Variants in ERBIN observed in about 807,000 individuals in gnomAD.
ERBIN encodes densin-180-like protein.
Under a neutral mutation model 158.4 loss-of-function variants are expected in ERBIN, and 60 were observed. The observed-to-expected ratio is 0.38, with a 90% CI of 0.31 to 0.47. ERBIN has a LOEUF of 0.47. Among genes scored for constraint, ERBIN ranks in the 20% least tolerant of loss-of-function variants. The pLI, the probability that ERBIN is intolerant of heterozygous loss-of-function variation, is 0.99. For synonymous variants in ERBIN, 594 were observed against 557.2 expected (o/e 1.07, Z -0.93); for missense variants, 1,610 against 1,648.0 (o/e 0.98, Z 0.40).
chr5:65,956,453 T>C (rs1351783845), intron 1 of ERBIN, among the ~76,000 whole-genome samples: 1 of 148,130 alleles, frequency 6.8e-6, no homozygotes, highest in Non-Finnish European at 1.5e-5. Flanking sequence ...CTCGGCTCAC[T>C]GCAACCTTTG....
chr5:65,978,590 G>A (rs551451149), intron 1 of ERBIN, among the ~76,000 whole-genome samples: 45 of 152,346 alleles, frequency 3.0e-4, no homozygotes, highest in African/African-American at 9.1e-4. Context: ...TGCCCGCCTG[G>A]GGGCAGGTGC....
intron 21 of ERBIN, among the ~76,000 whole-genome samples, chr5:66,062,298 TC>T (rs1760484972): frequency 6.6e-6 from 1 of 152,218 alleles, no homozygotes; most frequent in Non-Finnish European, 1.5e-5. Context: ...CATTTCGTCT[TC>T]CATCGCTGAT....
At chr5:66,006,096 G>C (rs1191470681) in intron 4 of ERBIN, among the ~76,000 whole-genome samples, 2 of 152,250 alleles carry the variant, frequency 1.3e-5, no homozygotes, top group South Asian at 4.1e-4. Flanking sequence ...TCAATCCTAA[G>C]AGAAAAGAAC....
In ERBIN at chr5:66,078,846, CTG is replaced by C. The variant is rs1460277899; in HGVS notation, c.*321_*322del. The C allele has an allele frequency of 3.9e-6, 1 of 259,592 alleles. No homozygotes were observed. The highest frequency in any genetic ancestry group is 7.2e-6 in the Non-Finnish European group (1 of 137,990). 16.1% of individuals were successfully genotyped at this position (259,592 alleles called of 1,614,324 possible). On this transcript the variant is annotated 3_prime_UTR_variant, in exon 26 of 26. Coordinates refer to ENST00000284037, the MANE Select transcript of ERBIN (RefSeq NM_001253697.2). The stretch of plus-strand genomic sequence containing the variant: ...TTTGGATTTCATATACATGACTGAA[CTG>C]TGTGCAAGGCAATAGTTAGCCTTGA...
chr5:65,954,933 T>A (rs1046529119), intron 1 of ERBIN, among the ~76,000 whole-genome samples: 4 of 151,776 alleles, frequency 2.6e-5, no homozygotes, highest in African/African-American at 9.7e-5. Context: ...GGCATGGTGG[T>A]GGGCGCATGT....
intron 23 of ERBIN, 131 bp downstream of exon 23, chr5:66,075,361 T>TA (rs1761892862): frequency 5.1e-6 from 4 of 782,454 alleles, no homozygotes; most frequent in Admixed American, 2.8e-5. Flanking sequence ...ATTTTTATGT[T>TA]ACGTTTATAA....
At chr5:65,942,752 C>T (rs1745213437) in intron 1 of ERBIN, among the ~76,000 whole-genome samples, 1 of 152,084 alleles carries the variant, frequency 6.6e-6, no homozygotes, top group Non-Finnish European at 1.5e-5. Flanking sequence ...TGGTGAAACT[C>T]TGTGTCTACT....
Position 65,950,149 on chromosome 5 carries a change from G to A in ERBIN, c.-58+23343G>A, listed in dbSNP as rs1162443540. On this transcript the variant is annotated intron_variant, in intron 1 of 25. Transcript: ENST00000284037. ...GCCTCTTGAGTAGCTGGGACTACAGGCGTGTGCCACCATGCCCAGCTAATT... is the reference window on the plus strand; with the variant it reads ...GCCTCTTGAGTAGCTGGGACTACAGACGTGTGCCACCATGCCCAGCTAATT... 5.9e-5 allele frequency among the ~76,000 whole-genome samples: 9 copies of A among 152,252 alleles called. No individual in the cohort carries two copies. The South Asian group carries it at 1.9e-3, about 32-fold the overall frequency.
At chr5:65,946,332 C>G (rs1309208629) in intron 1 of ERBIN, among the ~76,000 whole-genome samples, 1 of 151,980 alleles carries the variant, frequency 6.6e-6, no homozygotes, top group Non-Finnish European at 1.5e-5. Flanking sequence ...CCACTGCACT[C>G]CAGCCTGGGT....
At chr5:66,014,814 G>C in intron 7 of ERBIN, 89 bp downstream of exon 7, 1 of 599,150 alleles carries the variant, frequency 1.7e-6, no homozygotes, top group South Asian at 2.6e-5. Context: ...TACCTAAAAT[G>C]TGGTGCAAAT....
At chr5:66,059,979 G>C (rs1259670538) in intron 21 of ERBIN, among the ~76,000 whole-genome samples, 1 of 152,172 alleles carries the variant, frequency 6.6e-6, no homozygotes, top group Non-Finnish European at 1.5e-5. Flanking sequence ...TGTTCATCAA[G>C]GATATTGGTC....
rs375750208 is a variant in ERBIN at position 65,942,586 on chromosome 5, T to G, written c.-58+15780T>G. Among the ~76,000 whole-genome samples, 5 of 152,362 alleles carry G rather than the reference T, an allele frequency of 3.3e-5. No homozygotes were observed. The South Asian group carries it at 6.2e-4, about 19-fold the overall frequency. On this transcript the variant is annotated intron_variant, in intron 1 of 25. Coordinates refer to ENST00000284037, the MANE Select transcript of ERBIN (RefSeq NM_001253697.2). ...AGCCAAGAAGTTTCAGAGAAAGATT[T>G]ATCCTTAAAGTAGTGTGTAATTCTT...
At chr5:66,071,199 C>T (rs576021115) in intron 21 of ERBIN, among the ~76,000 whole-genome samples, 2 of 152,004 alleles carry the variant, frequency 1.3e-5, no homozygotes, top group Admixed American at 1.3e-4. Flanking sequence ...TCCCCCTCCC[C>T]GCCTACAAAA....
chr5:66,039,078 A>G (rs1447226038), intron 15 of ERBIN, among the ~76,000 whole-genome samples: 1 of 151,438 alleles, frequency 6.6e-6, no homozygotes, highest in Non-Finnish European at 1.5e-5. Context: ...ACTATTTTTT[A>G]TGTATCTTCT....
At chr5:66,074,908 T>A in intron 22 of ERBIN, 116 bp from the exon 23 acceptor site, 1 of 830,096 alleles carries the variant, frequency 1.2e-6, no homozygotes, top group South Asian at 1.8e-5. Flanking sequence ...TGGTATTGTT[T>A]GACTTAATTA....
At chr5:66,015,797 A>G (rs1458941924) in intron 7 of ERBIN, among the ~76,000 whole-genome samples, 1 of 152,188 alleles carries the variant, frequency 6.6e-6, no homozygotes, top group Non-Finnish European at 1.5e-5. Flanking sequence ...TGATTGTACC[A>G]CTGCATTCCA....
At chr5:65,962,517 A>T (rs936124335) in intron 1 of ERBIN, among the ~76,000 whole-genome samples, 1 of 152,218 alleles carries the variant, frequency 6.6e-6, no homozygotes, top group Non-Finnish European at 1.5e-5. Flanking sequence ...GCTTTTTACT[A>T]TAACATAGTG....
At chr5:65,941,865 T>C (rs1745093047) in intron 1 of ERBIN, among the ~76,000 whole-genome samples, 1 of 152,018 alleles carries the variant, frequency 6.6e-6, no homozygotes, top group South Asian at 2.1e-4. Context: ...CCCAGCCTCC[T>C]GAGTAGCTGG....
At chr5:66,018,548 A>ATATATTATATTATATAATATATATTATAT (rs1459160740) in intron 7 of ERBIN, among the ~76,000 whole-genome samples, 2 of 10,168 alleles carry the variant, frequency 2.0e-4, no homozygotes, top group African/African-American at 1.3e-3. Context: ...AATATATATT[A>ATATATTATATTATATAATATATATTATAT]TATATTATAT....
Sources: gnomAD v4.1 joint callset for allele counts (sites outside exome capture counted in the v4.1 genomes callset) on GRCh38, gnomAD v4.1.1 for gene constraint, MANE v1.5 for transcripts, NCBI Gene and HGNC (gene_info 2026-07-23, HGNC 2026-07-21) for gene names.